Variants in ZNF609 observed in about 807,000 individuals in gnomAD.
The protein encoded by ZNF609 is zinc finger protein 609.
In ZNF609, 11 loss-of-function variants were observed where a neutral mutation model predicts 109.5. The observed-to-expected ratio is 0.10, with a 90% CI of 0.06 to 0.17. The LOEUF (loss-of-function observed/expected upper bound fraction) is 0.17. ZNF609 is among the 10% of genes least tolerant of loss of function. ZNF609 has a pLI of 1.00. For synonymous variants in ZNF609, 646 were observed against 662.0 expected (o/e 0.98, Z 0.37); for missense variants, 1,559 against 1,772.4 (o/e 0.88, Z 2.16).
At chr15:64,645,628 C>T (rs755449309) in intron 3 of ZNF609, among the ~76,000 whole-genome samples, 2 of 151,968 alleles carry the variant, frequency 1.3e-5, no homozygotes, top group Non-Finnish European at 2.9e-5. Flanking sequence ...ATTTGCAAAT[C>T]GTGTATCTGA....
intron 3 of ZNF609, among the ~76,000 whole-genome samples, chr15:64,664,878 C>T (rs1457731059): frequency 6.6e-6 from 1 of 152,184 alleles, no homozygotes; most frequent in Admixed American, 6.5e-5. Flanking sequence ...TCCCACCCAG[C>T]TGTTTCAAGA....
intron 2 of ZNF609, among the ~76,000 whole-genome samples, chr15:64,588,258 A>C (rs1252839427): frequency 4.5e-5 from 1 of 22,078 alleles, no homozygotes; most frequent in East Asian, 3.1e-3. Flanking sequence ...TCTACTAAAA[A>C]TACAAAAAAA....
At chr15:64,483,880 G>A (rs1893293381) in intron 1 of ZNF609, among the ~76,000 whole-genome samples, 1 of 152,144 alleles carries the variant, frequency 6.6e-6, no homozygotes, top group African/African-American at 2.4e-5. Flanking sequence ...CCAAATAGCT[G>A]TAGTGACTTC....
rs143175287 is a variant in ZNF609, at chr15:64,538,115, A to G, written c.747+37949A>G. Among the ~76,000 whole-genome samples, 191 of 152,322 alleles carry G rather than the reference A, an allele frequency of 1.3e-3. 4 individuals are homozygous for G. The East Asian group carries it at 0.033, about 26-fold the overall frequency. On this transcript the variant is annotated intron_variant, in intron 2 of 9. Transcript: ENST00000326648. ...GAGCAAAACTCCATCTCAAAAAAAA[A>G]AAAGAAAGAAAGAAAATGTATATCC...
intron 2 of ZNF609, among the ~76,000 whole-genome samples, chr15:64,591,804 C>T (rs1054958884): frequency 6.6e-6 from 1 of 151,626 alleles, no homozygotes; most frequent in African/African-American, 2.4e-5. Flanking sequence ...TACCGTGCAC[C>T]GGGTTCAAGT....
chr15:64,644,969 TTC>T (rs1212770882), intron 3 of ZNF609, among the ~76,000 whole-genome samples: 19 of 141,518 alleles, frequency 1.3e-4, no homozygotes, highest in African/African-American at 5.8e-4. Context: ...TTTTCTTTTC[TTC>T]TTTCTTTCTT....
intron 3 of ZNF609, among the ~76,000 whole-genome samples, chr15:64,639,738 C>G (rs1319045808): frequency 6.6e-6 from 1 of 152,026 alleles, no homozygotes; most frequent in Admixed American, 6.6e-5. Flanking sequence ...GACAGGGACA[C>G]AGTTCAATTC....
At chr15:64,681,237 C>A in intron 8 of ZNF609, 72 bp from the exon 9 acceptor site, 1 of 1,466,800 alleles carries the variant, frequency 6.8e-7, no homozygotes, top group South Asian at 1.2e-5. Flanking sequence ...GTCAGCACCC[C>A]AAAACTCAGG....
intron 2 of ZNF609, chr15:64,593,061 G>T: frequency 1.3e-6 from 2 of 1,587,720 alleles, no homozygotes; most frequent in East Asian, 4.5e-5. Context: ...AACTGTGCCC[G>T]ATGCGTGCCC....
chr15:64,574,171 A>ATTTTT (rs71133443), intron 2 of ZNF609, among the ~76,000 whole-genome samples: 9 of 91,080 alleles, frequency 9.9e-5, no homozygotes, highest in African/African-American at 4.6e-4. Context: ...TTCATGCTGG[A>ATTTTT]TTTTTTTTTT....
intron 2 of ZNF609, among the ~76,000 whole-genome samples, chr15:64,566,947 G>A (rs747257859): frequency 1.4e-4 from 21 of 152,162 alleles, no homozygotes; most frequent in Non-Finnish European, 2.5e-4. Context: ...TTAAGCTGCT[G>A]ACAGGACAGA....
intron 1 of ZNF609, among the ~76,000 whole-genome samples, chr15:64,462,605 TAAAAATA>T (rs1243448551): frequency 1.3e-5 from 2 of 151,938 alleles, no homozygotes; most frequent in African/African-American, 2.4e-5. Context: ...CCTGTTTCTT[TAAAAATA>T]AAAAATAAAA....
intron 2 of ZNF609, among the ~76,000 whole-genome samples, chr15:64,601,652 G>C (rs1388143328): frequency 6.6e-6 from 1 of 152,164 alleles, no homozygotes; most frequent in East Asian, 1.9e-4. Context: ...AATCATATTT[G>C]AGAAGAATTT....
At chr15:64,598,779 T>TAG (rs1477586268) in intron 2 of ZNF609, among the ~76,000 whole-genome samples, 2 of 140,764 alleles carry the variant, frequency 1.4e-5, no homozygotes, top group African/African-American at 2.7e-5. Context: ...TATATATATA[T>TAG]ATATATATCC....
intron 2 of ZNF609, among the ~76,000 whole-genome samples, chr15:64,525,362 A>G (rs1004100452): frequency 7.2e-5 from 11 of 152,150 alleles, no homozygotes; most frequent in African/African-American, 2.7e-4. Flanking sequence ...AATTTTCTTG[A>G]CACCCTTGTT....
intron 2 of ZNF609, among the ~76,000 whole-genome samples, chr15:64,545,277 C>T (rs1245618694): frequency 1.3e-5 from 2 of 151,924 alleles, no homozygotes; most frequent in African/African-American, 4.8e-5. Flanking sequence ...TGGCTCATTG[C>T]AACCTTCGTC....
chr15:64,585,126 ACCATCCTGGCC>A (rs1895175199), intron 2 of ZNF609, among the ~76,000 whole-genome samples: 1 of 151,056 alleles, frequency 6.6e-6, no homozygotes, highest in Non-Finnish European at 1.5e-5. Context: ...GGAGTTTGAG[ACCATCCTGGCC>A]AACATGGCAA....
chr15:64,469,064 ATT>A (rs1416343800), intron 1 of ZNF609, among the ~76,000 whole-genome samples: 3 of 101,686 alleles, frequency 3.0e-5, no homozygotes, highest in African/African-American at 3.0e-5. Flanking sequence ...AAACAACACA[ATT>A]CAGCCTGGCC....
At chr15:64,664,151 C>T (rs1896615373) in intron 3 of ZNF609, among the ~76,000 whole-genome samples, 1 of 152,050 alleles carries the variant, frequency 6.6e-6, no homozygotes, top group Non-Finnish European at 1.5e-5. Flanking sequence ...TTGCTTGAGC[C>T]TGGGAGGCAG....
Sources: allele counts gnomAD v4.1 joint callset (sites outside exome capture counted in the v4.1 genomes callset), GRCh38; gene constraint gnomAD v4.1.1; transcripts MANE v1.5; gene names NCBI Gene and HGNC (gene_info 2026-07-23, HGNC 2026-07-21).